Variants in ZC3H14 observed in about 807,000 individuals in gnomAD.
ZC3H14 encodes zinc finger CCCH-type containing 14.
ZC3H14 carries 31 observed loss-of-function variants against 92.4 expected under a neutral mutation model. The ratio of observed to expected loss-of-function variants is 0.34; its 90% CI spans 0.25 to 0.45. ZC3H14 has a LOEUF of 0.45. ZC3H14 is among the 20% of genes least tolerant of loss of function. ZC3H14 has a pLI of 1.00. For missense variants in ZC3H14, 781 were observed against 897.3 expected (o/e 0.87, Z 1.66); for synonymous variants, 321 against 300.9 (o/e 1.07, Z -0.69).
intron 4 of ZC3H14, among the ~76,000 whole-genome samples, chr14:88,571,741 C>A (rs762084538): frequency 1.3e-5 from 2 of 152,182 alleles, no homozygotes; most frequent in Non-Finnish European, 2.9e-5. Context: ...GTGGGCGGAT[C>A]ATGGGCTCAG....
At position 88,622,701 on chromosome 14, in the gene ZC3H14, G is replaced by A. The variant is rs757009157; in HGVS notation, c.*10950G>A. 6 of 1,605,810 alleles carry A rather than the reference G, an allele frequency of 3.7e-6. No individual in the cohort carries two copies. The highest frequency in any genetic ancestry group is 2.2e-5 in the East Asian group (1 of 44,456). Reference sequence around the variant, plus strand: ...CAGTTCCTGATCCCACAGTTTAACCGCTCCTCCTTCTTTTGACCTAAGTAA... The same window carrying A: ...CAGTTCCTGATCCCACAGTTTAACCACTCCTCCTTCTTTTGACCTAAGTAA... On this transcript the variant is annotated 3_prime_UTR_variant, in exon 17 of 17. Transcript: ENST00000251038.
intron 9 of ZC3H14, among the ~76,000 whole-genome samples, chr14:88,595,419 A>G (rs967145118): frequency 1.3e-5 from 2 of 152,202 alleles, no homozygotes; most frequent in African/African-American, 2.4e-5. Context: ...TTATTTTAAA[A>G]TGTCTCATTC....
intron 6 of ZC3H14, 56 bp downstream of exon 6, chr14:88,573,063 C>G: frequency 6.4e-7 from 1 of 1,568,378 alleles, no homozygotes. Context: ...TTCTTGATAC[C>G]AAATAATATA....
chr14:88,609,099 G>A lies in ZC3H14; in HGVS notation c.1869-168G>A. 4 of 793,034 alleles carry A rather than the reference G, an allele frequency of 5.0e-6. No homozygotes were observed. In the South Asian group the frequency reaches 7.5e-5, roughly 15 times the overall value. 49.1% of individuals were successfully genotyped at this position (793,034 alleles called of 1,614,324 possible). A position where few individuals can be genotyped will look rare whatever the true frequency, so the allele number is the denominator to read the frequency against. On this transcript the variant is annotated intron_variant, in intron 13 of 16. Coordinates refer to ENST00000251038, the MANE Select transcript of ZC3H14 (RefSeq NM_024824.5). ...ATCCCAAGCTTTGGAATAAATGATT[G>A]TGTCCTATTTTGATATATGGTCTTA...
chr14:88,572,532 A>T, intron 5 of ZC3H14, 46 bp from the exon 6 acceptor site: 1 of 1,606,290 alleles, frequency 6.2e-7, no homozygotes, highest in Non-Finnish European at 8.5e-7. Context: ...TTTGGTGATA[A>T]TTGCCCTAAT....
rs771571738 is a variant in ZC3H14, at chr14:88,609,365, A to G, written c.1967A>G (p.His656Arg). Reference protein sequence around the residue: ...KCTKPDCPFTHVSRRIPVLSP... With the variant: ...KCTKPDCPFTRVSRRIPVLSP... ...ACTAAACCAGATTGTCCCTTCACTCATGTGAGTAGAAGAATTCCAGTACTG... is the reference window on the plus strand; with the variant it reads ...ACTAAACCAGATTGTCCCTTCACTCGTGTGAGTAGAAGAATTCCAGTACTG... Residue 656 changes from histidine to arginine, a missense_variant, in exon 14 of 17, where the codon CAT becomes CGT. By Grantham distance (29) the His-to-Arg change is conservative. Around this residue, in one of 3 missense-constraint regions of ZC3H14, gnomAD observed 221 missense variants for 304.7 expected, o/e 0.73. Coordinates refer to ENST00000251038, the MANE Select transcript of ZC3H14 (RefSeq NM_024824.5). The G allele has an allele frequency of 1.9e-6, 3 of 1,614,096 alleles. No homozygotes were observed. Among genetic ancestry groups the G allele is most frequent in the Non-Finnish European group, 1.7e-6 (2 of 1,179,980 alleles).
At chr14:88,565,295 C>T (rs1296690582) in intron 2 of ZC3H14, among the ~76,000 whole-genome samples, 1 of 152,034 alleles carries the variant, frequency 6.6e-6, no homozygotes, top group Non-Finnish European at 1.5e-5. Flanking sequence ...GCATCTGCCA[C>T]TACACCCAGC....
At chr14:88,564,269 A>T (rs764891482) in intron 2 of ZC3H14, among the ~76,000 whole-genome samples, 2 of 152,214 alleles carry the variant, frequency 1.3e-5, no homozygotes, top group Non-Finnish European at 2.9e-5. Flanking sequence ...CTGAAACAGT[A>T]AGGCTTTTTC....
rs1438481146 is a variant in ZC3H14, at chr14:88,565,143, A to G, written c.79+1450A>G. Among the ~76,000 whole-genome samples, 8 of 152,024 alleles carry G rather than the reference A, an allele frequency of 5.3e-5. 1 individual carries two copies. The East Asian group carries it at 1.5e-3, about 29-fold the overall frequency. ...AATGGTGATTTAAAAAAAATTTGTTATTATTATTATTTTTTTTGAGATGGA... is the reference window on the plus strand; with the variant it reads ...AATGGTGATTTAAAAAAAATTTGTTGTTATTATTATTTTTTTTGAGATGGA... On this transcript the variant is annotated intron_variant, in intron 2 of 16. Coordinates refer to ENST00000251038, the MANE Select transcript of ZC3H14 (RefSeq NM_024824.5).
At chr14:88,595,214 G>T (rs1595723397) in intron 9 of ZC3H14, 2 of 1,541,948 alleles carry the variant, frequency 1.3e-6, no homozygotes, top group South Asian at 1.2e-5. Context: ...AAGTTACAGA[G>T]AACTTGAATT....
chr14:88,616,921 G>C lies in ZC3H14; in HGVS notation c.*5170G>C. ...AAAGAAAACTCATCATGGCAAGTGC[G>C]GGCAGGTTGACTATATTCAAAAAGT... On this transcript the variant is annotated 3_prime_UTR_variant, in exon 17 of 17. Coordinates refer to ENST00000251038, the MANE Select transcript of ZC3H14 (RefSeq NM_024824.5). 2 of 1,593,516 alleles carry C rather than the reference G, an allele frequency of 1.3e-6. No homozygotes were observed. Among genetic ancestry groups the C allele is most frequent in the Middle Eastern group, 1.7e-4 (1 of 5,974 alleles).
In ZC3H14 at chr14:88,620,442, GA is replaced by G. The variant is rs2088684961; in HGVS notation, c.*8692del. On this transcript the variant is annotated 3_prime_UTR_variant, in exon 17 of 17. Coordinates refer to ENST00000251038, the MANE Select transcript of ZC3H14 (RefSeq NM_024824.5). This position sits in a 1 kb window ranked among gnomAD's most constrained non-coding sequence, Gnocchi z 4.3. Reference sequence around the variant, plus strand: ...CCAGGGTGACAACTTTTGAAGGGCAGATAGCTCTCTTGTATTACAGTGGGAG... The same window carrying G: ...CCAGGGTGACAACTTTTGAAGGGCAGTAGCTCTCTTGTATTACAGTGGGAG... 9.0e-6 allele frequency: 2 copies of G among 222,872 alleles called. No individual in the cohort carries two copies. Among genetic ancestry groups the G allele is most frequent in the East Asian group, 1.9e-4 (2 of 10,606 alleles). The allele number at this position is 222,872 out of a possible 1,614,324, so 13.8% of individuals were successfully genotyped here. A position where few individuals can be genotyped will look rare whatever the true frequency, so the allele number is the denominator to read the frequency against.
intron 2 of ZC3H14, among the ~76,000 whole-genome samples, chr14:88,567,059 A>G (rs2079744329): frequency 6.6e-6 from 1 of 151,432 alleles, no homozygotes; most frequent in Non-Finnish European, 1.5e-5. Context: ...CCTCACTCTC[A>G]TAATCACTGT....
chr14:88,563,249 C>A (rs1595442812), intron 1 of ZC3H14, 80 bp downstream of exon 1: 2 of 1,553,596 alleles, frequency 1.3e-6, no homozygotes, highest in Non-Finnish European at 1.7e-6. Flanking sequence ...GACTGTGGGC[C>A]CGGGTGGACG....
Position 88,624,852 on chromosome 14 carries a change from T to TAAG in ZC3H14, c.*13101_*13102insAAG. 1 of 1,044,144 alleles carries TAAG rather than the reference T, an allele frequency of 9.6e-7. No individual in the cohort carries two copies. Among genetic ancestry groups the TAAG allele is most frequent in the South Asian group, 1.8e-5 (1 of 55,322 alleles). The allele number at this position is 1,044,144 out of a possible 1,614,324, so 64.7% of individuals were successfully genotyped here. ...TAAAAGGTAATAAAGGAGAAGCATA[T>TAAG]GAGGAGGAAGGTCGGAGAGGACACT... On this transcript the variant is annotated 3_prime_UTR_variant, in exon 17 of 17. Coordinates refer to ENST00000251038, the MANE Select transcript of ZC3H14 (RefSeq NM_024824.5).
chr14:88,572,769 C>T lies in ZC3H14; in HGVS notation c.623C>T (p.Ser208Phe). Residue 208 changes from serine (S) to phenylalanine (F), a missense_variant, in exon 6 of 17, where the codon TCT (serine) becomes TTT (phenylalanine). Physicochemically the swap from Ser to Phe is radical, Grantham distance 155. Around this residue, in one of 3 missense-constraint regions of ZC3H14, gnomAD observed 454 missense variants for 438.5 expected, o/e 1.04. Coordinates refer to ENST00000251038, the MANE Select transcript of ZC3H14 (RefSeq NM_024824.5). ...KPTVTLTYGS[S>F]RPSIEIYRPP... Reference sequence around the variant, plus strand: ...ACAGTGACACTTACATATGGTTCTTCTCGCCCTTCTATTGAAATTTATCGA... The same window carrying T: ...ACAGTGACACTTACATATGGTTCTTTTCGCCCTTCTATTGAAATTTATCGA... The T allele has an allele frequency of 6.2e-7, 1 of 1,614,164 alleles. No homozygotes were observed. Among genetic ancestry groups the T allele is most frequent in the East Asian group, 2.2e-5 (1 of 44,874 alleles).
At chr14:88,605,253 T>G (rs1199708734) in intron 12 of ZC3H14, among the ~76,000 whole-genome samples, 1 of 152,220 alleles carries the variant, frequency 6.6e-6, no homozygotes, top group Non-Finnish European at 1.5e-5. Flanking sequence ...ACAAAAAACC[T>G]GTAAAAATTA....
rs1472004671 is a variant in ZC3H14, at chr14:88,620,782, C to G, written c.*9031C>G. 1 of 1,604,072 alleles carries G rather than the reference C, an allele frequency of 6.2e-7. No homozygotes were observed. On this transcript the variant is annotated 3_prime_UTR_variant, in exon 17 of 17. Coordinates refer to ENST00000251038, the MANE Select transcript of ZC3H14 (RefSeq NM_024824.5). The surrounding 1 kb of genome is among the most constrained non-coding windows in gnomAD (Gnocchi z 4.3). ...ATATCATGGATTGCACATCTCCTGT[C>G]TCTCTTCTTTCCCCATATTTTTAGA... is the stretch of plus-strand genomic sequence containing the variant.
rs2089182887 is a variant in ZC3H14 at position 88,622,495 on chromosome 14, C to T, written c.*10744C>T. The T allele has an allele frequency of 1.2e-6, 1 of 826,798 alleles. No individual in the cohort carries two copies. The highest frequency in any genetic ancestry group is 1.7e-6 in the Non-Finnish European group (1 of 575,880). 51.2% of individuals were successfully genotyped at this position (826,798 alleles called of 1,614,324 possible). On this transcript the variant is annotated 3_prime_UTR_variant, in exon 17 of 17. Transcript: ENST00000251038. ...GAGTAATGTTGGCAAGCAAATCCAT[C>T]GTTATGCATTATTAAGTATTGTTCA...
Sources: allele counts gnomAD v4.1 joint callset (sites outside exome capture counted in the v4.1 genomes callset), GRCh38; gene constraint gnomAD v4.1.1; regional missense constraint gnomAD v4.1.1; non-coding constraint Gnocchi (gnomAD v3.1); transcripts MANE v1.5; gene names NCBI Gene and HGNC (gene_info 2026-07-23, HGNC 2026-07-21).